Variants in UBTF observed in about 807,000 individuals in gnomAD.
The protein encoded by UBTF is nucleolar transcription factor 1.
Under a neutral mutation model 112.3 loss-of-function variants are expected in UBTF, and 8 were observed. The ratio of observed to expected loss-of-function variants is 0.07; its 90% confidence interval spans 0.04 to 0.13. UBTF has a LOEUF of 0.13. UBTF is among the 10% of genes least tolerant of loss of function. The pLI is 1.00. For missense variants in UBTF, 457 were observed against 982.1 expected (o/e 0.47, Z 7.15); for synonymous variants, 417 against 373.1 (o/e 1.12, Z -1.36).
chr17:44,208,092 A>ATTTTTTTT (rs57107684), intron 17 of UBTF, among the ~76,000 whole-genome samples, 181 bp from the exon 18 acceptor site: 2 of 117,994 alleles, frequency 1.7e-5, no homozygotes, highest in Non-Finnish European at 3.5e-5. Flanking sequence ...CACAGCTCTA[A>ATTTTTTTT]TTTTTTTTTT....
In UBTF at chr17:44,218,127, G is replaced by C. The variant is rs778751872; in HGVS notation, c.58+45C>G. 1.9e-6 allele frequency: 3 copies of C among 1,596,296 alleles called. No individual in the cohort carries two copies. The Admixed American group carries it at 5.0e-5, about 27-fold the overall frequency. On this transcript the variant is annotated intron_variant, in intron 2 of 20. Coordinates refer to ENST00000436088, the MANE Select transcript of UBTF (RefSeq NM_014233.4). ...GGGAGTGAGCCCCGCAGCCACGAGGGAAAGAGGGTTTAAGTTTCAGAGGGC... is the reference window on the plus strand; with the variant it reads ...GGGAGTGAGCCCCGCAGCCACGAGGCAAAGAGGGTTTAAGTTTCAGAGGGC...
In UBTF at chr17:44,207,009, T is replaced by C. The variant is rs565700500; in HGVS notation, c.*233A>G. 5.1e-6 allele frequency: 3 copies of C among 585,362 alleles called. No homozygotes were observed. The highest frequency in any genetic ancestry group is 3.1e-5 in the Admixed American group (1 of 32,064). 36.3% of individuals were successfully genotyped at this position (585,362 alleles called of 1,614,324 possible). A position where few individuals can be genotyped will look rare whatever the true frequency, so the allele number is the denominator to read the frequency against. ...GTCCGGTGCTGGCTTAGTCTGATAG[T>C]TGCTGTCCCTGGAGGAGGACCCCCA... On this transcript the variant is annotated 3_prime_UTR_variant, in exon 21 of 21. Coordinates refer to ENST00000436088, the MANE Select transcript of UBTF (RefSeq NM_014233.4).
chr17:44,210,641 C>T, intron 13 of UBTF, 151 bp downstream of exon 13: 1 of 1,382,034 alleles, frequency 7.2e-7, no homozygotes, highest in Non-Finnish European at 9.5e-7. Flanking sequence ...TGACAGCTTC[C>T]CGCCTTCCGG....
In UBTF at chr17:44,207,088, T is replaced by A; in HGVS notation, c.*154A>T. The A allele has an allele frequency of 5.8e-6, 5 of 863,616 alleles. No homozygotes were observed. The highest frequency in any genetic ancestry group is 8.7e-6 in the Non-Finnish European group (5 of 576,480). 53.5% of individuals were successfully genotyped at this position (863,616 alleles called of 1,614,324 possible). On this transcript the variant is annotated 3_prime_UTR_variant, in exon 21 of 21. Coordinates refer to ENST00000436088, the MANE Select transcript of UBTF (RefSeq NM_014233.4). ...CCTGGCCTGGGCTCCTCCAGCCCCC[T>A]ACCCCCACCGTATTTTTTTTTTTTT... is the stretch of plus-strand genomic sequence containing the variant.
intron 3 of UBTF, 173 bp downstream of exon 3, chr17:44,216,356 A>G (rs1287331960): frequency 1.3e-6 from 1 of 746,470 alleles, no homozygotes; most frequent in East Asian, 2.5e-5. Context: ...ACTTTAAGCC[A>G]GTGCTGTCAA....
At chr17:44,213,398 G>A in intron 5 of UBTF, 116 bp from the exon 6 acceptor site, 6 of 1,174,828 alleles carry the variant, frequency 5.1e-6, no homozygotes, top group South Asian at 3.0e-5. Context: ...GTGATGCAGG[G>A]AGTGGAGGCT....
chr17:44,220,441 C>G (rs950017782), upstream of UBTF, among the ~76,000 whole-genome samples: 12 of 152,052 alleles, frequency 7.9e-5, no homozygotes, highest in Non-Finnish European at 2.9e-5. Flanking sequence ...GCACGCCGAT[C>G]GCGGCGTCCA....
upstream of UBTF, among the ~76,000 whole-genome samples, chr17:44,220,414 G>A (rs2047127708): frequency 6.6e-6 from 1 of 152,088 alleles, no homozygotes; most frequent in Non-Finnish European, 1.5e-5. Flanking sequence ...GAGCGTGGCC[G>A]CTGGTTTGGG....
Position 44,211,585 on chromosome 17 carries a change from G to A in UBTF, c.1047+21C>T, listed in dbSNP as rs749640086. 6 of 1,604,912 alleles carry A rather than the reference G, an allele frequency of 3.7e-6. No homozygotes were observed. In the East Asian group the frequency reaches 1.3e-4, roughly 36 times the overall value. On this transcript the variant is annotated intron_variant, in intron 10 of 20. Coordinates refer to ENST00000436088, the MANE Select transcript of UBTF (RefSeq NM_014233.4). This position sits in a 1 kb window ranked among gnomAD's most constrained non-coding sequence, Gnocchi z 4.9. ...TCATGCTTCAAAACCCCAAGGCAGG[G>A]TGGCCCCTGCCACAGCTCACCTGAT...
chr17:44,210,414 C>CCCG lies in UBTF; in HGVS notation c.1416_1418dup (p.Gly473dup). ...GCAGCTTGCCCCGTTCCTCGCGCTC[C>CCCG]CCGCCGGGCTTCCTCTCCGACTGAG... On this transcript the variant is annotated inframe_insertion, in exon 14 of 21. Transcript: ENST00000436088. 1 of 1,614,128 alleles carries CCCG rather than the reference C, an allele frequency of 6.2e-7. No homozygotes were observed. Among genetic ancestry groups the CCCG allele is most frequent in the Non-Finnish European group, 8.5e-7 (1 of 1,180,040 alleles).
chr17:44,216,259 C>T (rs1797040257), intron 3 of UBTF: 8 of 603,480 alleles, frequency 1.3e-5, no homozygotes, highest in South Asian at 4.0e-5. Context: ...CTAACACCTC[C>T]GTCAATCTCA....
chr17:44,216,492 G>A, intron 3 of UBTF, 37 bp downstream of exon 3: 2 of 1,609,796 alleles, frequency 1.2e-6, no homozygotes, highest in Admixed American at 1.7e-5. Flanking sequence ...GCTGAGTGGG[G>A]GGTATGTGTG....
At chr17:44,212,122 G>A (rs1432075878) in intron 8 of UBTF, 116 bp from the exon 9 acceptor site, 11 of 1,090,204 alleles carry the variant, frequency 1.0e-5, no homozygotes, top group South Asian at 8.5e-5. Context: ...GTGGCTGCGC[G>A]TCAGTGGTGT....
At chr17:44,213,439 C>A in intron 5 of UBTF, 157 bp from the exon 6 acceptor site, 9 of 743,648 alleles carry the variant, frequency 1.2e-5, no homozygotes, top group Non-Finnish European at 1.7e-5. Flanking sequence ...GCGGGACTCA[C>A]CACAGAGCAG....
At chr17:44,207,657 G>GA (rs2056343352) in intron 19 of UBTF, 42 bp downstream of exon 19, 43 of 1,614,038 alleles carry the variant, frequency 2.7e-5, no homozygotes, top group Non-Finnish European at 3.6e-5. Context: ...TCCAGGCAGT[G>GA]CCCCCCGCCC....
chr17:44,207,950 A>G, intron 17 of UBTF, 39 bp from the exon 18 acceptor site: 1 of 1,613,484 alleles, frequency 6.2e-7, no homozygotes, highest in Non-Finnish European at 8.5e-7. Context: ...GAACATAGCC[A>G]ACTACTGCTG....
Position 44,209,130 on chromosome 17 carries a change from C to A in UBTF, c.1905+222G>T, listed in dbSNP as rs537237716. ...GTTGCAGTGAGCCGAGACTACACCA[C>A]TGTACTCCAGCCTGGGCAGGAGAGC... On this transcript the variant is annotated intron_variant, in intron 17 of 20. Coordinates refer to ENST00000436088, the MANE Select transcript of UBTF (RefSeq NM_014233.4). 41 of 456,912 alleles carry A rather than the reference C, an allele frequency of 9.0e-5. No individual in the cohort carries two copies. The Admixed American group carries it at 1.6e-3, about 18-fold the overall frequency. 28.3% of individuals were successfully genotyped at this position (456,912 alleles called of 1,614,324 possible).
chr17:44,212,475 G>C, intron 7 of UBTF, 21 bp from the exon 8 acceptor site: 3 of 934,696 alleles, frequency 3.2e-6, no homozygotes, highest in Non-Finnish European at 4.7e-6. Context: ...AAAGCCGTCA[G>C]ACACGCACAG....
At chr17:44,214,744 T>C (rs1026340459) in intron 5 of UBTF, among the ~76,000 whole-genome samples, 3 of 152,200 alleles carry the variant, frequency 2.0e-5, no homozygotes, top group Non-Finnish European at 4.4e-5. Context: ...CAGCGGCCAG[T>C]GCCCCCTTTT....
Sources: allele counts gnomAD v4.1 joint callset (sites outside exome capture counted in the v4.1 genomes callset), GRCh38; gene constraint gnomAD v4.1.1; non-coding constraint Gnocchi (gnomAD v3.1); transcripts MANE v1.5; gene names NCBI Gene and HGNC (gene_info 2026-07-23, HGNC 2026-07-21).